Variants in PTPRR observed in about 807,000 individuals in gnomAD.
PTPRR encodes protein tyrosine phosphatase receptor type R.
A neutral mutation model predicts 77.2 loss-of-function variants in PTPRR; 38 were observed. The ratio of observed to expected loss-of-function variants is 0.49; its 90% CI spans 0.38 to 0.65. The LOEUF (loss-of-function observed/expected upper bound fraction) is 0.65. Ranked by LOEUF, PTPRR falls within the 30% of genes least tolerant of loss-of-function variation. The pLI, the probability that PTPRR is intolerant of heterozygous loss-of-function variation, is 0.00. For missense variants in PTPRR, 744 were observed against 799.2 expected (o/e 0.93, Z 0.83); for synonymous variants, 299 against 283.1 (o/e 1.06, Z -0.57).
chr12:70,698,017 A>G (rs1428114892), intron 8 of PTPRR, among the ~76,000 whole-genome samples: 1 of 152,146 alleles, frequency 6.6e-6, no homozygotes, highest in Non-Finnish European at 1.5e-5. Flanking sequence ...AGAATTGGAA[A>G]TGCTGAGGTA....
chr12:70,733,486 A>G lies in PTPRR; in HGVS notation c.1007+12332T>C, dbSNP rs28656985. 2.0e-4 allele frequency among the ~76,000 whole-genome samples: 28 copies of G among 143,580 alleles called. 1 individual carries two copies. Among genetic ancestry groups the G allele is most frequent in the Non-Finnish European group, 3.8e-4 (25 of 65,630 alleles). The allele number at this position is 143,580 out of a possible 152,430, so 94.2% of individuals were successfully genotyped here. On this transcript the variant is annotated intron_variant, in intron 6 of 13. Coordinates refer to ENST00000283228, the MANE Select transcript of PTPRR (RefSeq NM_002849.4). ...AAATTATGGCAAAAAAAAAAAGAAA[A>G]AAAAAGAAAAAAAAAGATTTCACCT... is the stretch of plus-strand genomic sequence containing the variant.
At chr12:70,737,711 C>T (rs544961229) in intron 6 of PTPRR, among the ~76,000 whole-genome samples, 80 of 152,092 alleles carry the variant, frequency 5.3e-4, no homozygotes, top group African/African-American at 1.7e-3. Flanking sequence ...TTTGTAGAGA[C>T]GGGGTCTCAC....
rs546984586 is a variant in PTPRR at position 70,887,068 on chromosome 12, C to T, written c.357+5611G>A. Among the ~76,000 whole-genome samples, 12 of 152,308 alleles carry T rather than the reference C, an allele frequency of 7.9e-5. No homozygotes were observed. In the South Asian group the frequency reaches 1.2e-3, roughly 16 times the overall value. ...AGTGCCCTCCTTCTTTCAGTGATGG[C>T]GTATGTTCCCAATGTTTATTTTCTT... On this transcript the variant is annotated intron_variant, in intron 2 of 13. Coordinates refer to ENST00000283228, the MANE Select transcript of PTPRR (RefSeq NM_002849.4).
chr12:70,746,478 G>T (rs899442081), intron 5 of PTPRR, among the ~76,000 whole-genome samples: 1 of 152,084 alleles, frequency 6.6e-6, no homozygotes, highest in Non-Finnish European at 1.5e-5. Flanking sequence ...CATCCAACAT[G>T]GCTTAGTAGA....
chr12:70,806,785 A>G (rs74102005), intron 2 of PTPRR, among the ~76,000 whole-genome samples: 2,859 of 152,184 alleles, frequency 0.019, 90 homozygotes, highest in African/African-American at 0.064. Flanking sequence ...CCTAAGTGCT[A>G]CTTCCATGAT....
chr12:70,668,274 A>C (rs1436207984), intron 10 of PTPRR, among the ~76,000 whole-genome samples: 1 of 152,062 alleles, frequency 6.6e-6, no homozygotes, highest in Non-Finnish European at 1.5e-5. Flanking sequence ...GAAGAAGAGG[A>C]GGAAGAGGAG....
intron 6 of PTPRR, among the ~76,000 whole-genome samples, chr12:70,734,898 C>G (rs1264831324): frequency 6.6e-6 from 1 of 152,166 alleles, no homozygotes; most frequent in African/African-American, 2.4e-5. Flanking sequence ...TTTACTCACC[C>G]TGGGTTGTAT....
rs772201109 is a variant in PTPRR, at chr12:70,701,311, G to A, written c.1020C>T (p.Asn340=). Residue 340 remains asparagine, a synonymous_variant, in exon 7 of 14, where the codon AAC becomes AAT. Coordinates refer to ENST00000283228, the MANE Select transcript of PTPRR (RefSeq NM_002849.4). ...PIGLQERRGS[N]VSLTLDMSSL... ...TACTCATGTCCAATGTAAGAGATAC[G>A]TTGGACCCTCTTCTACATTGGAGAA... 17 of 1,613,498 alleles carry A rather than the reference G, an allele frequency of 1.1e-5. No individual in the cohort carries two copies. The highest frequency in any genetic ancestry group is 7.7e-5 in the South Asian group (7 of 91,064).
At chr12:70,891,928 CT>C (rs1323780446) in intron 2 of PTPRR, among the ~76,000 whole-genome samples, 2 of 152,018 alleles carry the variant, frequency 1.3e-5, no homozygotes, top group Non-Finnish European at 2.9e-5. Flanking sequence ...CATTTAACTA[CT>C]GATTTGTAGT....
intron 2 of PTPRR, among the ~76,000 whole-genome samples, chr12:70,800,810 G>A (rs1002295793): frequency 7.2e-5 from 11 of 151,838 alleles, no homozygotes; most frequent in African/African-American, 2.4e-4. Flanking sequence ...CAGGAGAATC[G>A]CTTGAACCCG....
intron 2 of PTPRR, among the ~76,000 whole-genome samples, chr12:70,858,306 T>C (rs1422960227): frequency 6.6e-6 from 1 of 152,176 alleles, no homozygotes; most frequent in African/African-American, 2.4e-5. Flanking sequence ...AATAAATCTC[T>C]TGCCCATCTA....
intron 1 of PTPRR, among the ~76,000 whole-genome samples, chr12:70,911,673 T>A (rs1349334596): frequency 6.9e-6 from 1 of 144,018 alleles, no homozygotes; most frequent in Non-Finnish European, 1.5e-5. Flanking sequence ...AGCTTCATAG[T>A]CCACTACAAA....
intron 2 of PTPRR, among the ~76,000 whole-genome samples, chr12:70,874,195 C>T (rs376214529): frequency 4.0e-4 from 61 of 152,256 alleles, no homozygotes; most frequent in African/African-American, 1.5e-3. Flanking sequence ...TTTTACTCTT[C>T]AGTAAGAGTC....
chr12:70,790,779 T>A (rs1263617611), intron 2 of PTPRR, among the ~76,000 whole-genome samples: 1 of 152,032 alleles, frequency 6.6e-6, no homozygotes, highest in Non-Finnish European at 1.5e-5. Context: ...GAAGCGGAGG[T>A]TGCAGTGAGC....
chr12:70,884,317 A>G (rs930469231), intron 2 of PTPRR, among the ~76,000 whole-genome samples: 1 of 152,186 alleles, frequency 6.6e-6, no homozygotes, highest in Non-Finnish European at 1.5e-5. Flanking sequence ...TAACTGAACT[A>G]TTGAATAGTA....
At chr12:70,785,772 A>G (rs1891307595) in intron 2 of PTPRR, among the ~76,000 whole-genome samples, 1 of 152,218 alleles carries the variant, frequency 6.6e-6, no homozygotes, top group African/African-American at 2.4e-5. Flanking sequence ...CAGAGACAGG[A>G]GAAAAATCAC....
intron 6 of PTPRR, among the ~76,000 whole-genome samples, chr12:70,741,327 A>G (rs1423593759): frequency 6.6e-6 from 1 of 152,202 alleles, no homozygotes; most frequent in Non-Finnish European, 1.5e-5. Context: ...TAAATACTGT[A>G]TGCACACTGG....
chr12:70,731,963 G>A (rs181300553), intron 6 of PTPRR, among the ~76,000 whole-genome samples: 13 of 152,262 alleles, frequency 8.5e-5, no homozygotes, highest in Admixed American at 3.3e-4. Context: ...TCTATGTATC[G>A]GATGGGAGAA....
chr12:70,652,878 C>T (rs964325352), intron 13 of PTPRR, among the ~76,000 whole-genome samples: 6 of 152,052 alleles, frequency 3.9e-5, no homozygotes, highest in Non-Finnish European at 8.8e-5. Flanking sequence ...GGAGGTCAGG[C>T]TATGAAAGTG....
Sources: allele counts gnomAD v4.1 joint callset (sites outside exome capture counted in the v4.1 genomes callset), GRCh38; gene constraint gnomAD v4.1.1; transcripts MANE v1.5; gene names NCBI Gene and HGNC (gene_info 2026-07-23, HGNC 2026-07-21).